Variants in MPC2 observed in about 807,000 individuals in gnomAD.
The protein encoded by MPC2 is brain protein 44.
Under a neutral mutation model 19.2 loss-of-function variants are expected in MPC2, and 19 were observed. That is an observed-to-expected ratio of 0.99 (90% confidence interval 0.69 to 1.45). The LOEUF (loss-of-function observed/expected upper bound fraction) is 1.45. Ranked by LOEUF, MPC2 falls within the 40% of genes most tolerant of loss-of-function variation. The probability of loss-of-function intolerance (pLI) is 0.00; values close to 1 mark genes in which losing one functional copy is unlikely to be tolerated. For synonymous variants in MPC2, 61 were observed against 54.3 expected, an observed-to-expected ratio of 1.12 and a Z score of -0.54; for missense variants, 122 against 153.0, an observed-to-expected ratio of 0.80 and a Z score of 1.07.
Position 167,937,055 on chromosome 1 carries a change from T to G in MPC2, c.-174A>C, listed in dbSNP as rs368191039. On this transcript the variant is annotated 5_prime_UTR_variant, in exon 1 of 6. Transcript: ENST00000271373. ...GAGGCGCTGAGGTCGCCGCCTAGAGTGGGGGAGGGGGCACGCTGCCGGGTC... is the reference window on the plus strand; with the variant it reads ...GAGGCGCTGAGGTCGCCGCCTAGAGGGGGGGAGGGGGCACGCTGCCGGGTC... 1.5e-5 allele frequency: 22 copies of G among 1,491,758 alleles called. No individual in the cohort carries two copies. The African/African-American group carries it at 2.5e-4, about 17-fold the overall frequency. 92.4% of individuals were successfully genotyped at this position (1,491,758 alleles called of 1,614,324 possible). A position where few individuals can be genotyped will look rare whatever the true frequency, so the allele number is the denominator to read the frequency against.
intron 2 of MPC2, among the ~76,000 whole-genome samples, chr1:167,930,499 T>C (rs1670876656): frequency 1.3e-5 from 2 of 152,184 alleles, no homozygotes; most frequent in Non-Finnish European, 2.9e-5. Context: ...ACAATAATTA[T>C]ATGACTTTCC....
chr1:167,916,793 C>T lies in MPC2; in HGVS notation c.*1530G>A, dbSNP rs1398919217. Reference sequence around the variant, plus strand: ...TATTTCATAATGTTTTTCCTAAATGCTTAACCTAGGAAACACATGTGTGCA... The same window carrying T: ...TATTTCATAATGTTTTTCCTAAATGTTTAACCTAGGAAACACATGTGTGCA... On this transcript the variant is annotated 3_prime_UTR_variant, in exon 6 of 6. Coordinates refer to ENST00000271373, the MANE Select transcript of MPC2 (RefSeq NM_001143674.4). 1 of 152,136 alleles carries T rather than the reference C, an allele frequency of 6.6e-6. No homozygotes were observed. The highest frequency in any genetic ancestry group is 6.5e-5 in the Admixed American group (1 of 15,270). 9.4% of individuals were successfully genotyped at this position (152,136 alleles called of 1,614,324 possible). A position where few individuals can be genotyped will look rare whatever the true frequency, so the allele number is the denominator to read the frequency against.
At chr1:167,936,104 T>G (rs2102572498) in intron 1 of MPC2, 1 of 535,432 alleles carries the variant, frequency 1.9e-6, no homozygotes, top group Non-Finnish European at 3.4e-6. Context: ...GGAGGAGCCA[T>G]GGCAACAGGT....
chr1:167,918,968 T>C (rs1174711932), intron 5 of MPC2, among the ~76,000 whole-genome samples: 16 of 152,184 alleles, frequency 1.1e-4, no homozygotes. Flanking sequence ...AATATTCTCA[T>C]TCTGGAATTC....
chr1:167,917,193 T>A lies in MPC2; in HGVS notation c.*1130A>T, dbSNP rs113375625. ...AATAGATAGTTAATTATTTGTAGCG[T>A]GGAGTAATGTATGCTCAGTCTCTCC... On this transcript the variant is annotated 3_prime_UTR_variant, in exon 6 of 6. Coordinates refer to ENST00000271373, the MANE Select transcript of MPC2 (RefSeq NM_001143674.4). 15 of 152,274 alleles carry A rather than the reference T, an allele frequency of 9.9e-5. No individual in the cohort carries two copies. Among genetic ancestry groups the A allele is most frequent in the Admixed American group, 6.5e-4 (10 of 15,294 alleles). The allele number at this position is 152,274 out of a possible 1,614,324, so 9.4% of individuals were successfully genotyped here. A position where few individuals can be genotyped will look rare whatever the true frequency, so the allele number is the denominator to read the frequency against.
At position 167,920,020 on chromosome 1, in the gene MPC2, A is replaced by G. The variant is rs1305987129; in HGVS notation, c.306T>C (p.Phe102=). ...GCTGAGAGGCTCCTGCTGCCCCCAC[A>G]AAGAAATTAACAGCAAACAGACTCC... ...KNWSLFAVNF[F]VGAAGASQLF... is the part of the protein sequence containing the mutation. Residue 102 remains phenylalanine (F), a synonymous_variant, in exon 5 of 6, where the codon TTT becomes TTC. Transcript: ENST00000271373. The G allele has an allele frequency of 6.8e-6, 11 of 1,613,676 alleles. No homozygotes were observed. In the Admixed American group the frequency reaches 8.3e-5, roughly 12 times the overall value.
In MPC2 at chr1:167,918,269, T is replaced by C; in HGVS notation, c.*54A>G. ...CTTTATCAATAACCAAATAATAAAC[T>C]AGGTCCCAATGGTTTTGTCCACATC... On this transcript the variant is annotated 3_prime_UTR_variant, in exon 6 of 6. Transcript: ENST00000271373. 7.2e-7 allele frequency: 1 copy of C among 1,387,490 alleles called. No individual in the cohort carries two copies. Among genetic ancestry groups the C allele is most frequent in the Non-Finnish European group, 1.0e-6 (1 of 999,688 alleles). 85.9% of individuals were successfully genotyped at this position (1,387,490 alleles called of 1,614,324 possible).
chr1:167,919,825 C>G (rs1327868906), intron 5 of MPC2, among the ~76,000 whole-genome samples, 154 bp downstream of exon 5: 1 of 151,750 alleles, frequency 6.6e-6, no homozygotes, highest in Non-Finnish European at 1.5e-5. Flanking sequence ...ACTTTAGATA[C>G]TTCTTGTCTT....
chr1:167,920,423 A>G, intron 4 of MPC2, 124 bp downstream of exon 4: 1 of 989,746 alleles, frequency 1.0e-6, no homozygotes, highest in Non-Finnish European at 1.5e-6. Context: ...CCTAGACATA[A>G]TACTGTTAAT....
intron 1 of MPC2, 68 bp downstream of exon 1, chr1:167,936,871 C>A: frequency 6.6e-7 from 1 of 1,517,382 alleles, no homozygotes; most frequent in East Asian, 2.4e-5. Flanking sequence ...CTCCCCTCCC[C>A]CACGCGGTGG....
At chr1:167,926,542 A>C (rs1436579197) in intron 2 of MPC2, among the ~76,000 whole-genome samples, 2 of 152,254 alleles carry the variant, frequency 1.3e-5, no homozygotes, top group African/African-American at 4.8e-5. Context: ...ATATTAGCCA[A>C]GTCAGCGGTT....
chr1:167,936,874 C>T, intron 1 of MPC2, 65 bp downstream of exon 1: 2 of 1,514,518 alleles, frequency 1.3e-6, no homozygotes, highest in Non-Finnish European at 1.8e-6. Flanking sequence ...CCCTCCCCCA[C>T]GCGGTGGTCT....
At chr1:167,919,469 C>A (rs577332497) in intron 5 of MPC2, among the ~76,000 whole-genome samples, 2 of 152,132 alleles carry the variant, frequency 1.3e-5, no homozygotes, top group Admixed American at 6.5e-5. Context: ...ATATTAACTA[C>A]TGAGTAAATA....
At chr1:167,932,684 C>T (rs1221555469) in intron 2 of MPC2, among the ~76,000 whole-genome samples, 2 of 151,778 alleles carry the variant, frequency 1.3e-5, no homozygotes, top group Non-Finnish European at 2.9e-5. Context: ...TGGCACATGC[C>T]TGTAATCCCA....
chr1:167,920,706 A>G, intron 3 of MPC2, 75 bp from the exon 4 acceptor site: 1 of 1,432,072 alleles, frequency 7.0e-7, no homozygotes, highest in South Asian at 1.4e-5. Context: ...ATCAAGCACA[A>G]GACATTTTTG....
Position 167,935,728 on chromosome 1 carries a change from A to G in MPC2, c.109+5T>C, listed in dbSNP as rs1671125996. The stretch of plus-strand genomic sequence containing the variant: ...CTCGATAAGGAGCCATTCAGGGTCC[A>G]TTACCTGCTGGATGGTTGTACAACG... On this transcript the variant is annotated splice_donor_5th_base_variant and intron_variant, in intron 2 of 5. Transcript: ENST00000271373. 6.4e-7 allele frequency: 1 copy of G among 1,557,352 alleles called. No homozygotes were observed.
At chr1:167,933,913 G>T (rs551558188) in intron 2 of MPC2, among the ~76,000 whole-genome samples, 19 of 152,248 alleles carry the variant, frequency 1.2e-4, no homozygotes, top group African/African-American at 4.6e-4. Flanking sequence ...ATGTTTTAGA[G>T]ACATTAGATC....
chr1:167,919,280 T>G (rs978786744), intron 5 of MPC2, among the ~76,000 whole-genome samples: 1 of 152,166 alleles, frequency 6.6e-6, no homozygotes, highest in African/African-American at 2.4e-5. Flanking sequence ...AGTCTTTCCT[T>G]CCCTTCTACC....
chr1:167,928,603 C>T (rs1408788160), intron 2 of MPC2, among the ~76,000 whole-genome samples: 1 of 152,110 alleles, frequency 6.6e-6, no homozygotes, highest in Non-Finnish European at 1.5e-5. Context: ...CAAAACAAAG[C>T]ATTTAGAAAT....
Sources: allele counts gnomAD v4.1 joint callset (sites outside exome capture counted in the v4.1 genomes callset), GRCh38; gene constraint gnomAD v4.1.1; transcripts MANE v1.5; gene names NCBI Gene and HGNC (gene_info 2026-07-23, HGNC 2026-07-21).